Variants in SLAMF6 observed in about 807,000 individuals in gnomAD.
SLAMF6 encodes the protein SLAM family member 6, also known as NK-T-B-antigen.
Under a neutral mutation model 38.3 loss-of-function variants are expected in SLAMF6, and 21 were observed. That is an observed-to-expected ratio of 0.55 (90% CI 0.39 to 0.79). The LOEUF (loss-of-function observed/expected upper bound fraction) is 0.79. Among genes scored for constraint, SLAMF6 ranks in the 30% least tolerant of loss-of-function variants. The pLI, the probability that SLAMF6 is intolerant of heterozygous loss-of-function variation, is 0.00. For missense variants in SLAMF6, 341 were observed against 385.3 expected, an observed-to-expected ratio of 0.89 and a Z score of 0.96; for synonymous variants, 152 against 146.3, an observed-to-expected ratio of 1.04 and a Z score of -0.28.
chr1:160,507,544 A>C (rs1482827127), intron 1 of SLAMF6, among the ~76,000 whole-genome samples: 3 of 152,086 alleles, frequency 2.0e-5, no homozygotes, highest in Non-Finnish European at 1.5e-5. Context: ...ACAATACCTA[A>C]CATATATATG....
chr1:160,503,335 T>C (rs1243772242), intron 1 of SLAMF6, among the ~76,000 whole-genome samples: 1 of 152,128 alleles, frequency 6.6e-6, no homozygotes, highest in Non-Finnish European at 1.5e-5. Flanking sequence ...TGGCCAAGCT[T>C]GGTTGACACG....
chr1:160,491,300 A>G lies in SLAMF6; in HGVS notation c.471T>C (p.Asp157=). The G allele has an allele frequency of 3.7e-6, 6 of 1,614,126 alleles. No homozygotes were observed. The highest frequency in any genetic ancestry group is 3.3e-4 in the Middle Eastern group (2 of 6,062). ...CELHLTCSVE[D]ADDNVSFRWE... Reference sequence around the variant, plus strand: ...ATCTGAATGAGACATTGTCATCTGCATCCTCCACAGAGCAAGTCAGATGGA... The same window carrying G: ...ATCTGAATGAGACATTGTCATCTGCGTCCTCCACAGAGCAAGTCAGATGGA... Residue 157 remains aspartate (D), a synonymous_variant, in exon 3 of 8, where the codon GAT becomes GAC. Transcript: ENST00000368057.
chr1:160,488,054 G>T (rs1280604313), intron 6 of SLAMF6, among the ~76,000 whole-genome samples: 1 of 147,838 alleles, frequency 6.8e-6, no homozygotes, highest in Non-Finnish European at 1.5e-5. Context: ...TTGTGCTACT[G>T]CACTCAGCCC....
intron 3 of SLAMF6, 121 bp downstream of exon 3, chr1:160,491,004 T>C: frequency 7.8e-7 from 1 of 1,275,716 alleles, no homozygotes; most frequent in South Asian, 1.4e-5. Context: ...AGGGCATCTG[T>C]CCCCTCCCAG....
chr1:160,500,549 C>T (rs1329577687), intron 1 of SLAMF6, among the ~76,000 whole-genome samples: 1 of 152,108 alleles, frequency 6.6e-6, no homozygotes, highest in Non-Finnish European at 1.5e-5. Flanking sequence ...AGCCCCCATC[C>T]ACCCTTGCAC....
chr1:160,516,948 G>A (rs1472423889), intron 1 of SLAMF6, among the ~76,000 whole-genome samples: 2 of 152,086 alleles, frequency 1.3e-5, no homozygotes, highest in African/African-American at 4.8e-5. Flanking sequence ...ACATAGGCAT[G>A]GGCAAAGATT....
rs1219048279 is a variant in SLAMF6 at position 160,490,631 on chromosome 1, A to G, written c.701T>C (p.Ile234Thr). 1.2e-6 allele frequency: 2 copies of G among 1,613,992 alleles called. No individual in the cohort carries two copies. Among genetic ancestry groups the G allele is most frequent in the South Asian group, 1.1e-5 (1 of 91,054 alleles). ...TATGATGAAACCGAAGACTATGCAT[A>G]TCCCAGAAACCATAAACAGAATCAT... is the stretch of plus-strand genomic sequence containing the variant. ...TKMILFMVSG[I>T]CIVFGFIILL... Residue 234 changes from isoleucine (I) to threonine (T), a missense_variant, in exon 4 of 8, where the codon ATA (isoleucine) becomes ACA (threonine). Transcript: ENST00000368057.
chr1:160,508,432 G>C (rs1046293041), intron 1 of SLAMF6, among the ~76,000 whole-genome samples: 1 of 152,158 alleles, frequency 6.6e-6, no homozygotes, highest in African/African-American at 2.4e-5. Context: ...TTAATAAATG[G>C]TGCTGGGAAA....
At chr1:160,505,749 A>T (rs1039260299) in intron 1 of SLAMF6, among the ~76,000 whole-genome samples, 3 of 152,190 alleles carry the variant, frequency 2.0e-5, no homozygotes, top group Non-Finnish European at 4.4e-5. Context: ...ACAATGGACA[A>T]AGAACTAAAG....
chr1:160,496,250 T>C lies in SLAMF6; in HGVS notation c.193A>G (p.Ile65Val), dbSNP rs1377601535. Reference protein sequence around the residue: ...WLFNETSLAFIVPHETKSPEI... With the variant: ...WLFNETSLAFVVPHETKSPEI... ...GGACTTTTGGTTTCATGGGGTACTA[T>C]GAAGGCAAGAGATGTTTCATTGAAA... is the stretch of plus-strand genomic sequence containing the variant. Residue 65 changes from isoleucine (I) to valine (V), a missense_variant, in exon 2 of 8, where the codon ATA (isoleucine) becomes GTA (valine). By Grantham distance (29) the Ile-to-Val change is conservative. Transcript: ENST00000368057. 3 of 1,613,970 alleles carry C rather than the reference T, an allele frequency of 1.9e-6. No individual in the cohort carries two copies. The highest frequency in any genetic ancestry group is 2.5e-6 in the Non-Finnish European group (3 of 1,179,918).
Position 160,486,613 on chromosome 1 carries a change from AG to A in SLAMF6, c.*93del, listed in dbSNP as rs1416266676. 2.3e-6 allele frequency: 3 copies of A among 1,319,442 alleles called. No homozygotes were observed. The highest frequency in any genetic ancestry group is 2.9e-5 in the African/African-American group (2 of 68,602). The allele number at this position is 1,319,442 out of a possible 1,614,324, so 81.7% of individuals were successfully genotyped here. ...TCCTAGATATTCAAATTCTGTTGCC[AG>A]GAACAACAGGAACCAAGCTTCCTGT... On this transcript the variant is annotated 3_prime_UTR_variant, in exon 8 of 8. Coordinates refer to ENST00000368057, the MANE Select transcript of SLAMF6 (RefSeq NM_001184714.2).
chr1:160,507,722 T>A (rs1020936787), intron 1 of SLAMF6, among the ~76,000 whole-genome samples: 1 of 152,006 alleles, frequency 6.6e-6, no homozygotes, highest in African/African-American at 2.4e-5. Flanking sequence ...AAACTGGAAA[T>A]CAAGAACAGA....
chr1:160,490,466 C>T, intron 4 of SLAMF6, 109 bp downstream of exon 4: 1 of 1,464,616 alleles, frequency 6.8e-7, no homozygotes, highest in Non-Finnish European at 9.2e-7. Context: ...GGTTTGCAGC[C>T]TCCCTCCCTC....
At chr1:160,522,090 C>T (rs185120343) in intron 1 of SLAMF6, among the ~76,000 whole-genome samples, 1 of 152,242 alleles carries the variant, frequency 6.6e-6, no homozygotes, top group African/African-American at 2.4e-5. Flanking sequence ...TACTTAACTC[C>T]ATATTGATGG....
intron 1 of SLAMF6, among the ~76,000 whole-genome samples, chr1:160,515,534 ACCTGG>A (rs1654696589): frequency 6.6e-6 from 1 of 152,100 alleles, no homozygotes; most frequent in South Asian, 2.1e-4. Flanking sequence ...TGATACCAAA[ACCTGG>A]CAGAGATACA....
intron 1 of SLAMF6, among the ~76,000 whole-genome samples, chr1:160,506,793 G>C (rs568627062): frequency 9.8e-4 from 150 of 152,296 alleles, no homozygotes; most frequent in African/African-American, 3.5e-3. Context: ...TTGGAGCACA[G>C]TGTTTGTATA....
intron 1 of SLAMF6, among the ~76,000 whole-genome samples, chr1:160,505,014 A>C (rs1654109018): frequency 6.6e-6 from 1 of 152,212 alleles, no homozygotes; most frequent in South Asian, 2.1e-4. Flanking sequence ...CAATCTGCAA[A>C]GACAAGCACA....
At chr1:160,520,011 G>A (rs1654914475) in intron 1 of SLAMF6, among the ~76,000 whole-genome samples, 1 of 152,138 alleles carries the variant, frequency 6.6e-6, no homozygotes, top group Non-Finnish European at 1.5e-5. Context: ...ACCAAAAACA[G>A]AGGCATGAAC....
intron 1 of SLAMF6, among the ~76,000 whole-genome samples, chr1:160,516,727 T>G (rs2102067274): frequency 6.6e-6 from 1 of 152,272 alleles, no homozygotes; most frequent in Middle Eastern, 3.4e-3. Flanking sequence ...CTATCTGATC[T>G]TCAAAAAACG....
Sources: gnomAD v4.1 joint callset for allele counts (sites outside exome capture counted in the v4.1 genomes callset) on GRCh38, gnomAD v4.1.1 for gene constraint, MANE v1.5 for transcripts, NCBI Gene and HGNC (gene_info 2026-07-23, HGNC 2026-07-21) for gene names.